Variants in ANO9 observed in about 807,000 individuals in gnomAD.
The protein encoded by ANO9 is anoctamin-9.
In ANO9, 80 loss-of-function variants were observed where a neutral mutation model predicts 100.5. That is an observed-to-expected ratio of 0.80 (90% CI 0.66 to 0.96). The LOEUF is 0.96. Among genes scored for constraint, ANO9 ranks in the 40% least tolerant of loss-of-function variants. The pLI is 0.00. For missense variants in ANO9, 1,064 were observed against 1,072.7 expected (o/e 0.99, Z 0.11); for synonymous variants, 473 against 435.6 (o/e 1.09, Z -1.07).
At chr11:425,986 C>T (rs1590440242) in intron 15 of ANO9, among the ~76,000 whole-genome samples, 1 of 152,246 alleles carries the variant, frequency 6.6e-6, no homozygotes. Context: ...CGTGCCTCGG[C>T]CTCCCAAAGT....
intron 4 of ANO9, chr11:433,029 C>T (rs1337380106): frequency 9.4e-6 from 4 of 427,342 alleles, no homozygotes; most frequent in South Asian, 8.7e-5. Context: ...CAAATCCTGC[C>T]CAACCCCTAA....
At chr11:426,742 G>A (rs777539537) in intron 15 of ANO9, among the ~76,000 whole-genome samples, 38 of 152,222 alleles carry the variant, frequency 2.5e-4, no homozygotes, top group Admixed American at 3.9e-4. Flanking sequence ...AGGAAGCCTC[G>A]GGACTTGGGT....
rs1564923648 is a variant in ANO9, at chr11:431,737, G to GCGCCCACGTCTTCTTCAGGCGTCC, written c.472_495dup (p.Gly158_Ala165dup). 2 of 1,612,592 alleles carry GCGCCCACGTCTTCTTCAGGCGTCC rather than the reference G, an allele frequency of 1.2e-6. No homozygotes were observed. Among genetic ancestry groups the GCGCCCACGTCTTCTTCAGGCGTCC allele is most frequent in the East Asian group, 4.5e-5 (2 of 44,868 alleles). On this transcript the variant is annotated inframe_insertion, in exon 7 of 23. Transcript: ENST00000332826. ...TGCTCCCGGAACATGTGTCTCCACC[G>GCGCCCACGTCTTCTTCAGGCGTCC]CGCCCACGTCTTCTTCAGGCGTCCC...
At chr11:423,071 G>A (rs1331812493) in intron 15 of ANO9, among the ~76,000 whole-genome samples, 6 of 152,138 alleles carry the variant, frequency 3.9e-5, no homozygotes, top group Admixed American at 2.6e-4. Context: ...CTCATGATCC[G>A]CCCACCTCGG....
In ANO9 at chr11:428,195, C is replaced by A; in HGVS notation, c.1227G>T (p.Met409Ile). 6.2e-7 allele frequency: 1 copy of A among 1,612,182 alleles called. No individual in the cohort carries two copies. The highest frequency in any genetic ancestry group is 8.5e-7 in the Non-Finnish European group (1 of 1,179,710). ...CVALKLCDFE[M>I]PRTFSERESR... ...TCTCTCGCTCCGAGAAGGTCCTGGGCATCTCTGGAATGGGACCGGCCCTCA... is the reference window on the plus strand; with the variant it reads ...TCTCTCGCTCCGAGAAGGTCCTGGGAATCTCTGGAATGGGACCGGCCCTCA... The change falls in exon 15 of 23, where the codon ATG becomes ATT. Residue 409 changes from methionine to isoleucine, a missense_variant. Transcript: ENST00000332826.
intron 1 of ANO9, among the ~76,000 whole-genome samples, chr11:435,836 ATAGTC>A (rs111894897): frequency 0.57 from 81,248 of 143,302 alleles, 23,192 homozygotes; most frequent in Middle Eastern, 0.66. Context: ...ATAATACGGT[ATAGTC>A]TAGTCTAGTC....
In ANO9 at chr11:418,893, C is replaced by T; in HGVS notation, c.2031G>A (p.Leu677=). 1 of 1,613,580 alleles carries T rather than the reference C, an allele frequency of 6.2e-7. No homozygotes were observed. The highest frequency in any genetic ancestry group is 8.5e-7 in the Non-Finnish European group (1 of 1,179,962). ...GGGGATGGGGAGTTCCAAACCTGCA[C>T]AGAGTCACGTTTTCTGAGCCCTCAA... ...DGIEGSENVT[L]CRYRDYRNPP... is the part of the protein sequence containing the mutation. The change falls in exon 21 of 23, where the codon CTG becomes CTA. Residue 677 remains leucine (L), a synonymous_variant. Coordinates refer to ENST00000332826, the MANE Select transcript of ANO9 (RefSeq NM_001012302.3).
rs1244206885 is a variant in ANO9, at chr11:419,370, C to T, written c.1934+212G>A. 7 of 1,417,812 alleles carry T rather than the reference C, an allele frequency of 4.9e-6. No homozygotes were observed. In the East Asian group the frequency reaches 1.3e-4, roughly 26 times the overall value. 87.8% of individuals were successfully genotyped at this position (1,417,812 alleles called of 1,614,324 possible). On this transcript the variant is annotated intron_variant, in intron 20 of 22. Coordinates refer to ENST00000332826, the MANE Select transcript of ANO9 (RefSeq NM_001012302.3). ...CCAGGTCTGGGAACTTCACCCCCAACTGCGGTCCTGGCCAGTTATCCCTGA... is the reference window on the plus strand; with the variant it reads ...CCAGGTCTGGGAACTTCACCCCCAATTGCGGTCCTGGCCAGTTATCCCTGA...
intron 15 of ANO9, among the ~76,000 whole-genome samples, chr11:427,609 G>A (rs1004412953): frequency 2.0e-5 from 3 of 152,084 alleles, no homozygotes; most frequent in African/African-American, 4.8e-5. Context: ...GTGCACGCCT[G>A]TAATCCCAGC....
intron 20 of ANO9, 51 bp from the exon 21 acceptor site, chr11:419,040 C>T: frequency 6.2e-7 from 1 of 1,610,044 alleles, no homozygotes; most frequent in South Asian, 1.1e-5. Flanking sequence ...CAGGGCGGCC[C>T]CTTCAGGCCC....
At chr11:419,481 C>A in intron 20 of ANO9, 101 bp downstream of exon 20, 1 of 1,502,712 alleles carries the variant, frequency 6.7e-7, no homozygotes, top group Non-Finnish European at 8.9e-7. Flanking sequence ...GGGGTACCAA[C>A]AGGTCCAGCC....
At chr11:433,777 G>GGCCCCATGGCCCT in intron 3 of ANO9, 38 bp downstream of exon 3, 1 of 1,337,690 alleles carries the variant, frequency 7.5e-7, no homozygotes. Flanking sequence ...CACCCGCCCC[G>GGCCCCATGGCCCT]GCCCCATGGC....
At chr11:419,371 T>C in intron 20 of ANO9, 4 of 1,416,708 alleles carry the variant, frequency 2.8e-6, no homozygotes, top group Non-Finnish European at 3.7e-6. Context: ...CACCCCCAAC[T>C]GCGGTCCTGG....
rs376462426 is a variant in ANO9, at chr11:429,847, G to A, written c.772-29C>T. On this transcript the variant is annotated intron_variant, in intron 9 of 22. Transcript: ENST00000332826. ...GGGGGGTGATAGGTGGGCCGGAGAG[G>A]AGGTGGGTGAGCTGGGGAGGGGGGC... 4 of 1,567,102 alleles carry A rather than the reference G, an allele frequency of 2.6e-6. No individual in the cohort carries two copies. The African/African-American group carries it at 5.4e-5, about 21-fold the overall frequency.
At chr11:434,747 C>T (rs1232452843) in intron 1 of ANO9, among the ~76,000 whole-genome samples, 1 of 152,228 alleles carries the variant, frequency 6.6e-6, no homozygotes, top group African/African-American at 2.4e-5. Flanking sequence ...GGGGCTCCTG[C>T]AGGGTGACGG....
In ANO9 at chr11:418,424, G is replaced by T; in HGVS notation, c.2296C>A (p.Pro766Thr). 2 of 1,612,502 alleles carry T rather than the reference G, an allele frequency of 1.2e-6. No individual in the cohort carries two copies. The highest frequency in any genetic ancestry group is 1.7e-6 in the Non-Finnish European group (2 of 1,179,828). Residue 766 changes from proline to threonine, a missense_variant, in exon 23 of 23, where the codon CCT (proline) becomes ACT (threonine). Transcript: ENST00000332826. ...ATGGATGCTGGGGTGGGATGGGCAG[G>T]CATTGGGGGCCGAGAGCCTGCCCCC... Reference protein sequence around the residue: ...GVGAGSRPPMPAHPTPASIFS... With the variant: ...GVGAGSRPPMTAHPTPASIFS...
At chr11:425,007 C>A (rs1177480464) in intron 15 of ANO9, among the ~76,000 whole-genome samples, 1 of 135,988 alleles carries the variant, frequency 7.4e-6, no homozygotes, top group Non-Finnish European at 1.6e-5. Context: ...AGACGGGACG[C>A]GCGGGAGGAA....
Position 430,391 on chromosome 11 carries a change from C to G in ANO9, c.552G>C (p.Gly184=). The G allele has an allele frequency of 2.5e-6, 4 of 1,600,054 alleles. No individual in the cohort carries two copies. Among genetic ancestry groups the G allele is most frequent in the Non-Finnish European group, 3.4e-6 (4 of 1,175,672 alleles). Residue 184 remains glycine, a synonymous_variant, in exon 8 of 23, where the codon GGG becomes GGC. Transcript: ENST00000332826. ...AGACGAAGTACAGGGCCACCTTTTC[C>G]CCAAAGTAGTTCCTGCAGGCAGCAG... is the stretch of plus-strand genomic sequence containing the variant. ...QPVDEIRNYF[G]EKVALYFVWL...
At chr11:426,358 G>A (rs1450963753) in intron 15 of ANO9, among the ~76,000 whole-genome samples, 2 of 151,838 alleles carry the variant, frequency 1.3e-5, no homozygotes, top group Non-Finnish European at 2.9e-5. Context: ...GATTGCTTGA[G>A]CCCAGGAGTT....
Sources: gnomAD v4.1 joint callset for allele counts (sites outside exome capture counted in the v4.1 genomes callset) on GRCh38, gnomAD v4.1.1 for gene constraint, MANE v1.5 for transcripts, NCBI Gene and HGNC (gene_info 2026-07-23, HGNC 2026-07-21) for gene names.